The following TSPEAR variants were observed in gnomAD, a reference collection of about 807,000 sequenced individuals.
The protein encoded by TSPEAR is thrombospondin-type laminin G domain and EAR repeat-containing protein.
TSPEAR carries 69 observed loss-of-function variants against 71.6 expected under a neutral mutation model. The ratio of observed to expected loss-of-function variants is 0.96; its 90% confidence interval spans 0.79 to 1.18. The LOEUF (loss-of-function observed/expected upper bound fraction) is 1.18. TSPEAR is among the 50% of genes most tolerant of loss of function. TSPEAR has a pLI of 0.00. For synonymous variants in TSPEAR, 402 were observed against 387.2 expected (o/e 1.04, Z -0.45); for missense variants, 971 against 894.9 (o/e 1.09, Z -1.09).
intron 1 of TSPEAR, among the ~76,000 whole-genome samples, chr21:44,669,006 A>C (rs1344153169): frequency 6.6e-6 from 1 of 152,156 alleles, no homozygotes; most frequent in Admixed American, 6.5e-5. Flanking sequence ...GTAAATATAG[A>C]ATGAGATTGA....
intron 10 of TSPEAR, chr21:44,508,875 C>T (rs1279431213): frequency 4.5e-5 from 65 of 1,439,108 alleles, no homozygotes; most frequent in Non-Finnish European, 5.8e-5. Context: ...TCGGCTATCC[C>T]TCCGCACGAC....
chr21:44,670,799 G>C (rs782140384), intron 1 of TSPEAR, among the ~76,000 whole-genome samples: 4 of 152,158 alleles, frequency 2.6e-5, no homozygotes, highest in Non-Finnish European at 5.9e-5. Context: ...TCTGCATCCT[G>C]CCCTGGGGCC....
intron 9 of TSPEAR, chr21:44,518,366 C>G (rs1555913788): frequency 2.2e-6 from 1 of 448,842 alleles, no homozygotes; most frequent in Non-Finnish European, 4.5e-6. Flanking sequence ...TCTTGAGCAC[C>G]TTGGTGCAGT....
intron 1 of TSPEAR, among the ~76,000 whole-genome samples, chr21:44,628,816 T>C (rs1555935184): frequency 1.3e-5 from 2 of 152,184 alleles, no homozygotes; most frequent in Non-Finnish European, 2.9e-5. Flanking sequence ...TTGGCCATCC[T>C]GGCCTCCTGT....
intron 1 of TSPEAR, among the ~76,000 whole-genome samples, chr21:44,588,673 A>AAC (rs1555925978): frequency 5.6e-5 from 2 of 35,972 alleles, no homozygotes; most frequent in Non-Finnish European, 1.3e-4. Context: ...TTATATATAT[A>AAC]ATATATATAT....
At chr21:44,591,579 G>A (rs1979846181) in intron 1 of TSPEAR, 2 of 1,613,378 alleles carry the variant, frequency 1.2e-6, no homozygotes, top group African/African-American at 1.3e-5. Context: ...GGGACACGGA[G>A]GAGGAGGATC....
chr21:44,651,009 G>C (rs1387257449), intron 1 of TSPEAR, among the ~76,000 whole-genome samples: 3 of 152,192 alleles, frequency 2.0e-5, no homozygotes, highest in Admixed American at 2.0e-4. Flanking sequence ...ACCAGGGAGG[G>C]GGCACCAGGG....
At chr21:44,611,335 T>A (rs1555930877) in intron 1 of TSPEAR, among the ~76,000 whole-genome samples, 9 of 151,998 alleles carry the variant, frequency 5.9e-5, no homozygotes, top group Non-Finnish European at 1.3e-4. Flanking sequence ...GCTATTCTAG[T>A]GGTAGTGAAT....
At chr21:44,651,466 T>C (rs1223295192) in intron 1 of TSPEAR, among the ~76,000 whole-genome samples, 1 of 152,170 alleles carries the variant, frequency 6.6e-6, no homozygotes, top group Non-Finnish European at 1.5e-5. Flanking sequence ...AATCAAGGCA[T>C]GGGCAGGGCG....
chr21:44,568,303 A>G (rs1555922049), intron 1 of TSPEAR, among the ~76,000 whole-genome samples: 1 of 152,146 alleles, frequency 6.6e-6, no homozygotes, highest in Non-Finnish European at 1.5e-5. Flanking sequence ...GCAGCCAGGC[A>G]CTGTGCAGGG....
intron 1 of TSPEAR, among the ~76,000 whole-genome samples, chr21:44,651,518 C>G (rs1432579198): frequency 1.3e-5 from 2 of 152,148 alleles, no homozygotes; most frequent in African/African-American, 4.8e-5. Context: ...TTCCTCATCT[C>G]TTTCAGCTTC....
intron 1 of TSPEAR, chr21:44,702,327 C>G: frequency 5.0e-6 from 8 of 1,609,854 alleles, no homozygotes; most frequent in Non-Finnish European, 6.8e-6. Flanking sequence ...CCTGCCTGAC[C>G]CTGGTCTGCA....
At chr21:44,694,836 C>G (rs139048229) in intron 1 of TSPEAR, among the ~76,000 whole-genome samples, 14 of 152,242 alleles carry the variant, frequency 9.2e-5, no homozygotes, top group Admixed American at 7.2e-4. Flanking sequence ...GGGGAGAAGG[C>G]GGCGCTCACA....
intron 1 of TSPEAR, chr21:44,702,789 G>A: frequency 7.8e-7 from 1 of 1,275,040 alleles, no homozygotes; most frequent in South Asian, 1.3e-5. Flanking sequence ...CAGGCCAGAA[G>A]CCCAGCTACT....
At position 44,638,311 on chromosome 21, in the gene TSPEAR, C is replaced by T. The variant is rs148428709; in HGVS notation, c.83-70306G>A. On this transcript the variant is annotated intron_variant, in intron 1 of 11. Coordinates refer to ENST00000323084, the MANE Select transcript of TSPEAR (RefSeq NM_144991.3). ...TGTCTTGGGGACCAGGATGCTCCCC[C>T]AGTCCTTCCCAGATGATGGCTGCCT... The T allele has an allele frequency of 1.1e-5, 8 of 706,670 alleles. 1 individual carries two copies. Among genetic ancestry groups the T allele is most frequent in the African/African-American group, 9.8e-5 (5 of 51,078 alleles). 43.8% of individuals were successfully genotyped at this position (706,670 alleles called of 1,614,324 possible).
intron 1 of TSPEAR, among the ~76,000 whole-genome samples, chr21:44,648,859 T>G (rs949693351): frequency 6.6e-6 from 1 of 152,152 alleles, no homozygotes; most frequent in Non-Finnish European, 1.5e-5. Context: ...CATGCAACTG[T>G]CCAAGCCCAC....
In TSPEAR at chr21:44,570,291, C is replaced by T. The variant is rs952401394; in HGVS notation, c.83-2286G>A. On this transcript the variant is annotated intron_variant, in intron 1 of 11. Transcript: ENST00000323084. ...CTCCACTGTTTAATTAAAATAGCCT[C>T]TTCCTGGCTCCGGACCCCACGCCTG... Among the ~76,000 whole-genome samples the T allele has an allele frequency of 3.5e-4, 53 of 152,256 alleles. 1 individual carries two copies. The highest frequency in any genetic ancestry group is 3.2e-3 in the Admixed American group (49 of 15,286).
At chr21:44,681,237 C>T (rs1276827485) in intron 1 of TSPEAR, among the ~76,000 whole-genome samples, 19 of 152,246 alleles carry the variant, frequency 1.2e-4, no homozygotes, top group African/African-American at 4.6e-4. Flanking sequence ...AGCAGGACAT[C>T]CACCAACCAC....
chr21:44,574,968 C>A (rs782427289), intron 1 of TSPEAR: 90 of 1,612,148 alleles, frequency 5.6e-5, no homozygotes, highest in Non-Finnish European at 7.3e-5. Flanking sequence ...CCTCTGACGC[C>A]CCGTGTGCTC....
Sources: gnomAD v4.1 joint callset for allele counts (sites outside exome capture counted in the v4.1 genomes callset) on GRCh38, gnomAD v4.1.1 for gene constraint, MANE v1.5 for transcripts, NCBI Gene and HGNC (gene_info 2026-07-23, HGNC 2026-07-21) for gene names.